Variants in KHDRBS2 observed in about 807,000 individuals in gnomAD.
KHDRBS2 encodes KH domain-containing, RNA-binding, signal transduction-associated protein 2.
KHDRBS2 carries 26 observed loss-of-function variants against 44.3 expected under a neutral mutation model. The observed-to-expected ratio is 0.59, with a 90% confidence interval of 0.43 to 0.81. The LOEUF (loss-of-function observed/expected upper bound fraction) is 0.81. KHDRBS2 is among the 40% of genes least tolerant of loss of function. The pLI, the probability that KHDRBS2 is intolerant of heterozygous loss-of-function variation, is 0.00. For synonymous variants in KHDRBS2, 194 were observed against 151.1 expected (o/e 1.28, Z -2.08); for missense variants, 476 against 433.1 (o/e 1.10, Z -0.88).
At chr6:61,700,487 T>C (rs1768477316) in intron 7 of KHDRBS2, among the ~76,000 whole-genome samples, 1 of 150,974 alleles carries the variant, frequency 6.6e-6, no homozygotes, top group Admixed American at 6.7e-5. Context: ...CAAAATGGAC[T>C]CTGCCACAGT....
At chr6:62,037,332 G>A (rs914665054) in intron 3 of KHDRBS2, among the ~76,000 whole-genome samples, 21 of 151,836 alleles carry the variant, frequency 1.4e-4, no homozygotes, top group African/African-American at 5.1e-4. Flanking sequence ...CGATTTGAGT[G>A]AATCTGATAT....
At chr6:61,545,601 G>A in the KHDRBS2 span, among the ~76,000 whole-genome samples, 3 of 151,656 alleles carry the variant, frequency 2.0e-5, no homozygotes. Flanking sequence ...AACAGTATAT[G>A]TAGCATACTG....
intron 6 of KHDRBS2, among the ~76,000 whole-genome samples, chr6:61,873,832 A>G (rs1484078071): frequency 6.6e-6 from 1 of 152,028 alleles, no homozygotes; most frequent in Non-Finnish European, 1.5e-5. Context: ...ATTAATCATT[A>G]AGAGATACAT....
At chr6:62,034,849 A>G (rs1420129557) in intron 3 of KHDRBS2, among the ~76,000 whole-genome samples, 1 of 151,998 alleles carries the variant, frequency 6.6e-6, no homozygotes, top group African/African-American at 2.4e-5. Flanking sequence ...ATTTCTGAAA[A>G]GAACATATGT....
intron 3 of KHDRBS2, among the ~76,000 whole-genome samples, chr6:62,018,809 A>C (rs1781731515): frequency 6.6e-6 from 1 of 152,158 alleles, no homozygotes; most frequent in South Asian, 2.1e-4. Flanking sequence ...TTTTCCCATT[A>C]AATAGTACAG....
chr6:62,274,796 C>T (rs1840652206), intron 1 of KHDRBS2, among the ~76,000 whole-genome samples: 1 of 151,988 alleles, frequency 6.6e-6, no homozygotes, highest in Admixed American at 6.6e-5. Flanking sequence ...GTATCTCCTT[C>T]CCCCTCCTCA....
At chr6:61,788,107 T>C (rs2127584057) in intron 6 of KHDRBS2, among the ~76,000 whole-genome samples, 1 of 151,724 alleles carries the variant, frequency 6.6e-6, no homozygotes, top group East Asian at 1.9e-4. Flanking sequence ...AGTTTTCTAT[T>C]TACAAATACG....
intron 1 of KHDRBS2, among the ~76,000 whole-genome samples, chr6:62,271,208 T>C (rs1014517726): frequency 3.9e-5 from 6 of 152,136 alleles, no homozygotes; most frequent in African/African-American, 1.4e-4. Flanking sequence ...TGCCACATAA[T>C]GTTGTTTCAA....
At chr6:61,544,790 T>C in the KHDRBS2 span, among the ~76,000 whole-genome samples, 1 of 152,032 alleles carries the variant, frequency 6.6e-6, no homozygotes. Context: ...GGGACATGGA[T>C]GAAGCTGGAA....
chr6:62,146,162 T>C (rs1813888761), intron 2 of KHDRBS2, among the ~76,000 whole-genome samples: 1 of 151,916 alleles, frequency 6.6e-6, no homozygotes, highest in African/African-American at 2.4e-5. Flanking sequence ...ATTTCTTCTC[T>C]ATTCTACTGA....
chr6:61,708,423 T>C (rs1416324178), intron 7 of KHDRBS2, among the ~76,000 whole-genome samples: 11 of 151,576 alleles, frequency 7.3e-5, no homozygotes, highest in South Asian at 2.1e-4. Flanking sequence ...AATACATCTC[T>C]CTGTGCTCAA....
At chr6:61,618,459 G>C in the KHDRBS2 span, among the ~76,000 whole-genome samples, 4 of 152,094 alleles carry the variant, frequency 2.6e-5, no homozygotes, top group Non-Finnish European at 5.9e-5. Flanking sequence ...TTATGTATTT[G>C]TCTATTTATT....
intron 6 of KHDRBS2, among the ~76,000 whole-genome samples, chr6:61,814,333 C>G (rs545468386): frequency 3.3e-5 from 5 of 152,068 alleles, no homozygotes; most frequent in Non-Finnish European, 7.4e-5. Flanking sequence ...TATATGTGGC[C>G]GGGAGCGGTG....
At chr6:62,055,378 C>T (rs1790031406) in intron 2 of KHDRBS2, among the ~76,000 whole-genome samples, 1 of 151,946 alleles carries the variant, frequency 6.6e-6, no homozygotes, top group Non-Finnish European at 1.5e-5. Context: ...ACCATGATGA[C>T]ATAATTTTAC....
At chr6:62,006,426 A>G (rs1779240274) in intron 3 of KHDRBS2, among the ~76,000 whole-genome samples, 1 of 152,060 alleles carries the variant, frequency 6.6e-6, no homozygotes, top group Admixed American at 6.6e-5. Context: ...GTATTTCAAG[A>G]AGGAATAAAT....
At chr6:62,177,341 G>A in intron 1 of KHDRBS2, 29 bp from the exon 2 acceptor site, 1 of 1,544,056 alleles carries the variant, frequency 6.5e-7, no homozygotes, top group South Asian at 1.2e-5. Context: ...AAGAAAACAA[G>A]TGAAATGAGG....
intron 3 of KHDRBS2, among the ~76,000 whole-genome samples, chr6:62,037,905 A>T (rs903000754): frequency 1.3e-5 from 2 of 152,122 alleles, no homozygotes; most frequent in Admixed American, 6.6e-5. Flanking sequence ...ATATGCAAAG[A>T]GTAAACTACT....
chr6:62,257,292 T>C (rs1837541494), intron 1 of KHDRBS2, among the ~76,000 whole-genome samples: 1 of 152,048 alleles, frequency 6.6e-6, no homozygotes, highest in South Asian at 2.1e-4. Flanking sequence ...GGTTGTTAAA[T>C]GGATTTAAGG....
At chr6:61,768,223 C>T (rs1490961459) in intron 6 of KHDRBS2, among the ~76,000 whole-genome samples, 1 of 152,128 alleles carries the variant, frequency 6.6e-6, no homozygotes, top group African/African-American at 2.4e-5. Flanking sequence ...TGTCAAAAGC[C>T]AGACGTATTG....
Sources: gnomAD v4.1 joint callset for allele counts (sites outside exome capture counted in the v4.1 genomes callset) on GRCh38, gnomAD v4.1.1 for gene constraint, MANE v1.5 for transcripts, NCBI Gene and HGNC (gene_info 2026-07-23, HGNC 2026-07-21) for gene names.